The following ZNF622 variants were observed in gnomAD, a reference collection of about 807,000 sequenced individuals.
ZNF622 encodes cytoplasmic 60S subunit biogenesis factor ZNF622.
In ZNF622, 34 loss-of-function variants were observed where a neutral mutation model predicts 49.7. That is an observed-to-expected ratio of 0.68 (90% CI 0.52 to 0.91). The LOEUF (loss-of-function observed/expected upper bound fraction) is 0.91, where lower values mean the gene tolerates loss of function less well. Among genes scored for constraint, ZNF622 ranks in the 40% least tolerant of loss-of-function variants. The pLI is 0.00. For missense variants in ZNF622, 569 were observed against 616.4 expected (o/e 0.92, Z 0.81); for synonymous variants, 209 against 228.7 (o/e 0.91, Z 0.78).
chr5:16,464,948 AAC>A (rs910376060), intron 1 of ZNF622, 91 bp downstream of exon 1: 1,506 of 1,425,860 alleles, frequency 1.1e-3, no homozygotes, highest in Non-Finnish European at 1.2e-3. Context: ...AAAGCTCTCA[AAC>A]ACACACACAC....
At chr5:16,461,072 CCA>C (rs1403763547) in intron 3 of ZNF622, among the ~76,000 whole-genome samples, 3 of 152,096 alleles carry the variant, frequency 2.0e-5, no homozygotes, top group African/African-American at 7.2e-5. Context: ...TCAAAAAAGG[CCA>C]CACTGAGAAG....
Position 16,458,740 on chromosome 5 carries a change from G to A in ZNF622, c.1050-111C>T, listed in dbSNP as rs1031013298. Reference sequence around the variant, plus strand: ...TTCCTAAGCTACCTAAAAGGGAGAGGGGAGGAAGCAGCTGTAGGAACTACC... The same window carrying A: ...TTCCTAAGCTACCTAAAAGGGAGAGAGGAGGAAGCAGCTGTAGGAACTACC... On this transcript the variant is annotated intron_variant, in intron 3 of 5. Coordinates refer to ENST00000308683, the MANE Select transcript of ZNF622 (RefSeq NM_033414.3). The A allele has an allele frequency of 8.7e-6, 6 of 689,974 alleles. No individual in the cohort carries two copies. In the African/African-American group the frequency reaches 1.1e-4, roughly 13 times the overall value. 42.7% of individuals were successfully genotyped at this position (689,974 alleles called of 1,614,324 possible). A position where few individuals can be genotyped will look rare whatever the true frequency, so the allele number is the denominator to read the frequency against.
At chr5:16,452,615 T>C (rs181943056) in intron 5 of ZNF622, among the ~76,000 whole-genome samples, 94 of 152,290 alleles carry the variant, frequency 6.2e-4, no homozygotes, top group African/African-American at 2.2e-3. Flanking sequence ...ATTACTCATG[T>C]TCATCATATA....
At chr5:16,458,670 CA>C in intron 3 of ZNF622, 41 bp from the exon 4 acceptor site, 1 of 1,393,298 alleles carries the variant, frequency 7.2e-7, no homozygotes, top group South Asian at 1.3e-5. Context: ...ACTAATATCT[CA>C]AATTGAACTA....
chr5:16,451,922 G>GAGAC (rs2126488316), intron 5 of ZNF622, 138 bp from the exon 6 acceptor site: 1 of 1,081,376 alleles, frequency 9.2e-7, no homozygotes, highest in Non-Finnish European at 1.3e-6. Flanking sequence ...TGCTAACTTG[G>GAGAC]GGTCTCTAAG....
intron 4 of ZNF622, 27 bp downstream of exon 4, chr5:16,458,490 C>A (rs757272698): frequency 4.0e-6 from 6 of 1,488,314 alleles, no homozygotes; most frequent in Non-Finnish European, 4.7e-6. Flanking sequence ...TGGCATTAAG[C>A]TATTTATTTT....
At position 16,463,890 on chromosome 5, in the gene ZNF622, T is replaced by C; in HGVS notation, c.626-148A>G. ...GACAACTCCTCTTTCAAGATCTCAATTTTAGCTATTTGTTTACCACAGACT... is the reference window on the plus strand; with the variant it reads ...GACAACTCCTCTTTCAAGATCTCAACTTTAGCTATTTGTTTACCACAGACT... On this transcript the variant is annotated intron_variant, in intron 1 of 5. Coordinates refer to ENST00000308683, the MANE Select transcript of ZNF622 (RefSeq NM_033414.3). This position sits in a 1 kb window ranked among gnomAD's most constrained non-coding sequence, Gnocchi z 4.2. 1.2e-6 allele frequency: 1 copy of C among 821,728 alleles called. No individual in the cohort carries two copies. Among genetic ancestry groups the C allele is most frequent in the South Asian group, 1.7e-5 (1 of 57,980 alleles). The allele number at this position is 821,728 out of a possible 1,614,324, so 50.9% of individuals were successfully genotyped here. A position where few individuals can be genotyped will look rare whatever the true frequency, so the allele number is the denominator to read the frequency against.
rs1738070739 is a variant in ZNF622, at chr5:16,458,630, C to T, written c.1050-1G>A. On this transcript the variant is annotated splice_acceptor_variant, in intron 3 of 5. Coordinates refer to ENST00000308683, the MANE Select transcript of ZNF622 (RefSeq NM_033414.3). LOFTEE classifies it high-confidence loss of function. ...TTCCTTGTGATCTGGATAGCTACTC[C>T]TATAACAGAGAAATTGCACTAATAA... 3 of 1,591,820 alleles carry T rather than the reference C, an allele frequency of 1.9e-6. No individual in the cohort carries two copies. The highest frequency in any genetic ancestry group is 1.4e-5 in the African/African-American group (1 of 73,946).
chr5:16,463,634 G>A lies in ZNF622; in HGVS notation c.734C>T (p.Pro245Leu). Reference sequence around the variant, plus strand: ...GTCCGTGATAGGGATGGCACCAAGGGGTGGGCCTTCCTCAGCCTCTTCCTC... The same window carrying A: ...GTCCGTGATAGGGATGGCACCAAGGAGTGGGCCTTCCTCAGCCTCTTCCTC... ...AEEEEAEEGP[P>L]LGAIPITDCL... Residue 245 changes from proline (P) to leucine (L), a missense_variant, in exon 2 of 6, where the codon CCC becomes CTC. Coordinates refer to ENST00000308683, the MANE Select transcript of ZNF622 (RefSeq NM_033414.3). The surrounding 1 kb of genome is among the most constrained non-coding windows in gnomAD (Gnocchi z 4.2). 1 of 1,614,174 alleles carries A rather than the reference G, an allele frequency of 6.2e-7. No individual in the cohort carries two copies. Among genetic ancestry groups the A allele is most frequent in the Non-Finnish European group, 8.5e-7 (1 of 1,180,036 alleles).
At chr5:16,454,862 C>T (rs577757110) in intron 4 of ZNF622, among the ~76,000 whole-genome samples, 6 of 152,290 alleles carry the variant, frequency 3.9e-5, no homozygotes, top group Admixed American at 3.3e-4. Flanking sequence ...AATGTCCCAA[C>T]CCATGTGTCA....
chr5:16,464,461 C>G (rs943326929), intron 1 of ZNF622, among the ~76,000 whole-genome samples: 6 of 152,204 alleles, frequency 3.9e-5, no homozygotes, highest in African/African-American at 1.4e-4. Context: ...ATAAATCACC[C>G]AGTCTCTAGT....
intron 5 of ZNF622, 98 bp downstream of exon 5, chr5:16,452,915 G>C (rs1737957662): frequency 8.0e-7 from 1 of 1,255,430 alleles, no homozygotes; most frequent in Non-Finnish European, 1.0e-6. Context: ...CCCCTAGAGA[G>C]AATCCACATG....
Position 16,465,444 on chromosome 5 carries a change from C to A in ZNF622, c.222G>T (p.Lys74Asn). The A allele has an allele frequency of 6.2e-7, 1 of 1,614,266 alleles. No homozygotes were observed. The highest frequency in any genetic ancestry group is 2.2e-5 in the East Asian group (1 of 44,874). Residue 74 changes from lysine (K) to asparagine (N), a missense_variant, in exon 1 of 6, where the codon AAG becomes AAT. Physicochemically the swap from Lys to Asn is moderately conservative, Grantham distance 94 (BLOSUM62 0). Transcript: ENST00000308683. This position sits in a 1 kb window ranked among gnomAD's most constrained non-coding sequence, Gnocchi z 6.2. ...GSATYCTVCSKKFASFNAYEN... is the reference protein window; with the variant it reads ...GSATYCTVCSNKFASFNAYEN... The stretch of plus-strand genomic sequence containing the variant: ...CGTAGGCGTTGAAAGAGGCAAACTT[C>A]TTACTGCAAACGGTGCAGTAGGTGG...
At chr5:16,461,991 G>C (rs981097619) in intron 3 of ZNF622, among the ~76,000 whole-genome samples, 1 of 152,170 alleles carries the variant, frequency 6.6e-6, no homozygotes, top group Admixed American at 6.5e-5. Context: ...TACAACATCA[G>C]TCAAAAGGTC....
At chr5:16,457,074 A>AT (rs1291627297) in intron 4 of ZNF622, among the ~76,000 whole-genome samples, 1 of 152,076 alleles carries the variant, frequency 6.6e-6, no homozygotes, top group Non-Finnish European at 1.5e-5. Flanking sequence ...AGGATTCTTT[A>AT]TTTTTTATAA....
intron 4 of ZNF622, 52 bp downstream of exon 4, chr5:16,458,465 C>T (rs1317741550): frequency 2.4e-5 from 29 of 1,230,146 alleles, no homozygotes; most frequent in Non-Finnish European, 3.5e-5. Context: ...AGATATGCTT[C>T]TCCCTCAATC....
chr5:16,460,636 T>C (rs963939441), intron 3 of ZNF622, among the ~76,000 whole-genome samples: 4 of 152,086 alleles, frequency 2.6e-5, no homozygotes, highest in Non-Finnish European at 5.9e-5. Context: ...ACTCCTGGCC[T>C]CTGGTGATCC....
chr5:16,453,559 TTATATATATATATATA>T (rs58965299), intron 4 of ZNF622, among the ~76,000 whole-genome samples: 2,168 of 67,152 alleles, frequency 0.032, 98 homozygotes, highest in African/African-American at 0.085. Flanking sequence ...TAAATAAAAA[TTATATATATATATATA>T]TATATATATA....
At position 16,463,017 on chromosome 5, in the gene ZNF622, C is replaced by G. The variant is rs1353479229; in HGVS notation, c.1049+91G>C. On this transcript the variant is annotated intron_variant, in intron 3 of 5. Coordinates refer to ENST00000308683, the MANE Select transcript of ZNF622 (RefSeq NM_033414.3). The surrounding 1 kb of genome is among the most constrained non-coding windows in gnomAD (Gnocchi z 4.2). ...TAAGTGTTATTAAGGATATGTTGTA[C>G]AGTGCCAAACATATCCAGCACTGGC... 7.4e-7 allele frequency: 1 copy of G among 1,350,260 alleles called. No homozygotes were observed. The highest frequency in any genetic ancestry group is 1.5e-5 in the South Asian group (1 of 67,988). 83.6% of individuals were successfully genotyped at this position (1,350,260 alleles called of 1,614,324 possible). A position where few individuals can be genotyped will look rare whatever the true frequency, so the allele number is the denominator to read the frequency against.
Sources: allele counts gnomAD v4.1 joint callset (sites outside exome capture counted in the v4.1 genomes callset), GRCh38; gene constraint gnomAD v4.1.1; non-coding constraint Gnocchi (gnomAD v3.1); transcripts MANE v1.5; gene names NCBI Gene and HGNC (gene_info 2026-07-23, HGNC 2026-07-21).